HYDIN: variants seen among roughly 807,000 people sequenced by gnomAD.
HYDIN encodes HYDIN axonemal central pair apparatus protein, also known as axonemal central pair apparatus protein HYDIN.
A neutral mutation model predicts 403.9 loss-of-function variants in HYDIN; 132 were observed. The observed-to-expected ratio is 0.33, with a 90% confidence interval of 0.28 to 0.38. The LOEUF is 0.38. HYDIN is among the 10% of genes least tolerant of loss of function. The pLI is 1.00. For missense variants in HYDIN, 2,827 were observed against 5,009.5 expected, an observed-to-expected ratio of 0.56 and a Z score of 13.15; for synonymous variants, 1,202 against 1,891.7, an observed-to-expected ratio of 0.64 and a Z score of 9.46.
At chr16:71,081,094 ATG>A (rs1345511515) in intron 12 of HYDIN, 21 of 151,998 alleles carry the variant, frequency 1.4e-4, no homozygotes, top group Admixed American at 2.6e-4. Context: ...AATATTAAGT[ATG>A]TGTTGTTTGA....
intron 39 of HYDIN, among the ~76,000 whole-genome samples, chr16:70,956,723 T>C (rs1462299223): frequency 6.6e-6 from 1 of 152,152 alleles, no homozygotes; most frequent in African/African-American, 2.4e-5. Context: ...AGGAAACGGA[T>C]TGTCCCCCAG....
intron 1 of HYDIN, among the ~76,000 whole-genome samples, chr16:71,217,740 G>C (rs1381497961): frequency 6.6e-6 from 1 of 152,104 alleles, no homozygotes; most frequent in African/African-American, 2.4e-5. Flanking sequence ...GTATACTTGG[G>C]ACTATTTATG....
At chr16:71,002,495 T>C (rs2079751023) in intron 23 of HYDIN, among the ~76,000 whole-genome samples, 1 of 151,146 alleles carries the variant, frequency 6.6e-6, no homozygotes, top group Non-Finnish European at 1.5e-5. Flanking sequence ...GAGGTTGCAG[T>C]GGGCCATGAT....
chr16:70,951,567 T>G (rs1030177764), intron 41 of HYDIN, among the ~76,000 whole-genome samples: 6 of 151,984 alleles, frequency 3.9e-5, no homozygotes, highest in Non-Finnish European at 7.4e-5. Context: ...TAGCTGTGTC[T>G]GTTTTTTACC....
intron 10 of HYDIN, among the ~76,000 whole-genome samples, chr16:71,107,398 G>C (rs921922112): frequency 2.0e-5 from 3 of 150,864 alleles, no homozygotes; most frequent in African/African-American, 7.3e-5. Flanking sequence ...CCAAAGAATG[G>C]GAAAAAATAT....
chr16:71,192,429 C>T lies in HYDIN; in HGVS notation c.-23-5511G>A, dbSNP rs117032507. Among the ~76,000 whole-genome samples, 179 of 152,218 alleles carry T rather than the reference C, an allele frequency of 1.2e-3. 1 individual carries two copies. The highest frequency in any genetic ancestry group is 6.4e-3 in the South Asian group (31 of 4,818). On this transcript the variant is annotated intron_variant, in intron 1 of 85. Coordinates refer to ENST00000393567, the MANE Select transcript of HYDIN (RefSeq NM_001270974.2). ...GTCATGCCATTTCTCTGCCTAAAAT[C>T]GTTTCGTCCGGAACACTCTCCACAC...
rs768788095 is a variant in HYDIN, at chr16:70,908,852, C to T, written c.8014G>A (p.Glu2672Lys). ...ATTNTTKAQE[E>K]QTSSSKGGKQ... ...CCCCCCTTAGATGAGCTGGTCTGCTCCTCTTGAGCCTTAATTAAAAACGAG... is the reference window on the plus strand; with the variant it reads ...CCCCCCTTAGATGAGCTGGTCTGCTTCTCTTGAGCCTTAATTAAAAACGAG... The change falls in exon 48 of 86, where the codon GAG (glutamate) becomes AAG (lysine). Residue 2672 changes from glutamate (E) to lysine (K), a missense_variant. Transcript: ENST00000393567. 13 of 1,609,748 alleles carry T rather than the reference C, an allele frequency of 8.1e-6. No homozygotes were observed. In the East Asian group the frequency reaches 2.9e-4, roughly 36 times the overall value.
chr16:71,181,106 G>T (rs2086882743), intron 3 of HYDIN, among the ~76,000 whole-genome samples: 1 of 151,548 alleles, frequency 6.6e-6, no homozygotes, highest in African/African-American at 2.4e-5. Flanking sequence ...CTAACTGAAT[G>T]CAGGAATACA....
intron 18 of HYDIN, among the ~76,000 whole-genome samples, chr16:71,036,749 A>G (rs1485143097): frequency 6.6e-6 from 1 of 151,734 alleles, no homozygotes; most frequent in Admixed American, 6.6e-5. Flanking sequence ...ACAAAGACAC[A>G]TTAAAATGCC....
intron 2 of HYDIN, among the ~76,000 whole-genome samples, chr16:71,186,197 G>A (rs1480785393): frequency 6.6e-6 from 1 of 151,880 alleles, no homozygotes; most frequent in African/African-American, 2.4e-5. Context: ...ACTATCCCTG[G>A]CACTATACAT....
chr16:70,991,508 G>A (rs1486285068), intron 24 of HYDIN, 112 bp from the exon 25 acceptor site: 11 of 1,500,692 alleles, frequency 7.3e-6, no homozygotes, highest in African/African-American at 4.2e-5. Flanking sequence ...ACCCCCAAAC[G>A]TAAGGGGGAT....
intron 74 of HYDIN, among the ~76,000 whole-genome samples, 192 bp downstream of exon 74, chr16:70,850,256 G>T (rs952952354): frequency 2.5e-4 from 35 of 142,206 alleles, no homozygotes; most frequent in African/African-American, 1.1e-3. Flanking sequence ...ACCCCCCCCT[G>T]AAAATAAAAT....
At chr16:71,047,612 T>C (rs2081494860) in intron 18 of HYDIN, among the ~76,000 whole-genome samples, 2 of 151,750 alleles carry the variant, frequency 1.3e-5, no homozygotes, top group South Asian at 2.1e-4. Context: ...ATGACTTTTA[T>C]GTGGCAAAAG....
chr16:70,999,842 G>A (rs1444701941), intron 23 of HYDIN, among the ~76,000 whole-genome samples: 1 of 152,102 alleles, frequency 6.6e-6, no homozygotes, highest in African/African-American at 2.4e-5. Flanking sequence ...CAGTTTTGCT[G>A]TCAGGTGAGT....
At chr16:71,188,899 T>C (rs1434409729) in intron 1 of HYDIN, among the ~76,000 whole-genome samples, 1 of 152,074 alleles carries the variant, frequency 6.6e-6, no homozygotes, top group African/African-American at 2.4e-5. Context: ...TTCTATAATC[T>C]AGAAATATTA....
intron 6 of HYDIN, among the ~76,000 whole-genome samples, chr16:71,153,298 TAGCA>T (rs1005004909): frequency 2.6e-5 from 4 of 152,132 alleles, no homozygotes; most frequent in Non-Finnish European, 1.5e-5. Context: ...AGGAAAGGGA[TAGCA>T]CCCTCACTCG....
intron 18 of HYDIN, among the ~76,000 whole-genome samples, chr16:71,054,247 TG>T (rs1568066802): frequency 6.6e-6 from 1 of 152,300 alleles, no homozygotes; most frequent in African/African-American, 2.4e-5. Flanking sequence ...GCTTAACAAC[TG>T]TAGTTGCTGT....
intron 10 of HYDIN, among the ~76,000 whole-genome samples, chr16:71,102,540 A>G (rs370369118): frequency 1.3e-5 from 2 of 151,140 alleles, no homozygotes; most frequent in East Asian, 3.9e-4. Flanking sequence ...AAACAATATT[A>G]TAAGTATGAT....
At chr16:71,134,226 G>A (rs1369742460) in intron 8 of HYDIN, among the ~76,000 whole-genome samples, 9 of 152,102 alleles carry the variant, frequency 5.9e-5, no homozygotes, top group Non-Finnish European at 1.3e-4. Context: ...TTATTGAAGC[G>A]ATCTTAGAGC....
Sources: gnomAD v4.1 joint callset for allele counts (sites outside exome capture counted in the v4.1 genomes callset) on GRCh38, gnomAD v4.1.1 for gene constraint, MANE v1.5 for transcripts, NCBI Gene and HGNC (gene_info 2026-07-23, HGNC 2026-07-21) for gene names.